Variants in ABTB3 observed in about 807,000 individuals in gnomAD.
ABTB3 encodes the protein ankyrin repeat- and BTB/POZ domain-containing protein 3.
At chr12:107,420,445 A>G in the ABTB3 span, among the ~76,000 whole-genome samples, 1 of 152,328 alleles carries the variant, frequency 6.6e-6, no homozygotes, top group South Asian at 2.1e-4. Flanking sequence ...GCAAGAGAGC[A>G]TGTGCAGGAG....
the ABTB3 span, among the ~76,000 whole-genome samples, chr12:107,521,144 G>A: frequency 6.6e-6 from 1 of 152,106 alleles, no homozygotes; most frequent in South Asian, 2.1e-4. Context: ...AAAGTGAGGA[G>A]GAGGATTACA....
the ABTB3 span, among the ~76,000 whole-genome samples, chr12:107,464,206 AGTGT>A: frequency 0.075 from 10,009 of 133,170 alleles, 387 homozygotes; most frequent in Non-Finnish European, 0.1. Context: ...ACATGTGAAG[AGTGT>A]GTGTGTGTGT....
the ABTB3 span, among the ~76,000 whole-genome samples, chr12:107,534,150 G>T: frequency 6.6e-6 from 1 of 151,360 alleles, no homozygotes; most frequent in Non-Finnish European, 1.5e-5. Flanking sequence ...AGTGTTCTAT[G>T]GTCACAACTG....
At chr12:107,355,547 C>T in the ABTB3 span, among the ~76,000 whole-genome samples, 1 of 152,226 alleles carries the variant, frequency 6.6e-6, no homozygotes, top group African/African-American at 2.4e-5. Flanking sequence ...CTGCCACCCT[C>T]ATCCCCCACC....
the ABTB3 span, among the ~76,000 whole-genome samples, chr12:107,402,304 C>T: frequency 6.6e-6 from 1 of 152,186 alleles, no homozygotes; most frequent in Non-Finnish European, 1.5e-5. Flanking sequence ...CTTAACGATA[C>T]TGCCTCTCAT....
the ABTB3 span, among the ~76,000 whole-genome samples, chr12:107,491,149 C>T: frequency 1.3e-5 from 2 of 152,166 alleles, no homozygotes; most frequent in African/African-American, 4.8e-5. Flanking sequence ...GACCAGCTCT[C>T]CAAGATCCAT....
At chr12:107,474,616 G>A in the ABTB3 span, among the ~76,000 whole-genome samples, 2 of 152,172 alleles carry the variant, frequency 1.3e-5, no homozygotes, top group African/African-American at 4.8e-5. Flanking sequence ...GGAGGCATTG[G>A]AGGGAAATCC....
the ABTB3 span, among the ~76,000 whole-genome samples, chr12:107,578,383 C>CTTTTTTTTTTTTTTTTTTTTTTTTTTTTT: frequency 1.7e-5 from 1 of 57,196 alleles, no homozygotes. Flanking sequence ...CTTTCTTCTT[C>CTTTTTTTTTTTTTTTTTTTTTTTTTTTTT]TTTTTTTTTT....
chr12:107,436,513 C>T, the ABTB3 span, among the ~76,000 whole-genome samples: 6 of 152,146 alleles, frequency 3.9e-5, no homozygotes, highest in African/African-American at 1.4e-4. Flanking sequence ...GGTATGGCTG[C>T]CATTTTGGAA....
chr12:107,635,151 C>T, the ABTB3 span: 19 of 711,968 alleles, frequency 2.7e-5, no homozygotes, highest in East Asian at 8.0e-5. Context: ...TCTGTGCTAC[C>T]CCAGGGGATT....
the ABTB3 span, among the ~76,000 whole-genome samples, chr12:107,605,410 C>T: frequency 6.6e-6 from 1 of 152,188 alleles, no homozygotes; most frequent in African/African-American, 2.4e-5. Context: ...CTTGTATGGA[C>T]GTGTCAGAGA....
At chr12:107,510,318 CA>C in the ABTB3 span, among the ~76,000 whole-genome samples, 2 of 152,012 alleles carry the variant, frequency 1.3e-5, no homozygotes, top group Non-Finnish European at 2.9e-5. Flanking sequence ...CAGAGACAAA[CA>C]AGGCAGTGCC....
the ABTB3 span, among the ~76,000 whole-genome samples, chr12:107,408,460 A>C: frequency 6.6e-6 from 1 of 152,208 alleles, no homozygotes; most frequent in Non-Finnish European, 1.5e-5. Context: ...GAGTGGGCTC[A>C]CCTCTGGGAA....
At chr12:107,450,617 G>A in the ABTB3 span, among the ~76,000 whole-genome samples, 1 of 152,200 alleles carries the variant, frequency 6.6e-6, no homozygotes, top group African/African-American at 2.4e-5. Flanking sequence ...AAAGTGGACA[G>A]TGGTTTGTGA....
chr12:107,536,067 G>C, the ABTB3 span, among the ~76,000 whole-genome samples: 4 of 152,088 alleles, frequency 2.6e-5, no homozygotes, highest in African/African-American at 7.2e-5. Flanking sequence ...GAACAGAATA[G>C]AGAACCCAGA....
the ABTB3 span, among the ~76,000 whole-genome samples, chr12:107,442,744 G>T: frequency 6.6e-6 from 1 of 152,178 alleles, no homozygotes; most frequent in African/African-American, 2.4e-5. Flanking sequence ...GGAGGAAAGG[G>T]GGTTGTGGGG....
the ABTB3 span, chr12:107,617,443 T>G: frequency 6.2e-7 from 1 of 1,613,748 alleles, no homozygotes; most frequent in Non-Finnish European, 8.5e-7. Flanking sequence ...ACAGGTAGGC[T>G]AGGATGGGCC....
the ABTB3 span, among the ~76,000 whole-genome samples, chr12:107,411,054 C>A: frequency 2.6e-5 from 4 of 152,248 alleles, no homozygotes; most frequent in African/African-American, 9.6e-5. Flanking sequence ...AATCCCAACA[C>A]TTTGGGAGCC....
At chr12:107,481,391 C>T in the ABTB3 span, among the ~76,000 whole-genome samples, 5 of 152,116 alleles carry the variant, frequency 3.3e-5, no homozygotes, top group East Asian at 9.7e-4. Context: ...CCCAGGGGCT[C>T]ATTTGGCCTG....
Sources: allele counts gnomAD v4.1 joint callset (sites outside exome capture counted in the v4.1 genomes callset), GRCh38; gene constraint gnomAD v4.1.1; transcripts MANE v1.5; gene names NCBI Gene and HGNC (gene_info 2026-07-23, HGNC 2026-07-21).